The following MEF2C variants were observed in gnomAD, a reference collection of about 807,000 sequenced individuals.
The protein encoded by MEF2C is myocyte enhancer factor 2C.
MEF2C carries 6 observed loss-of-function variants against 50.5 expected under a neutral mutation model. That is an observed-to-expected ratio of 0.12 (90% CI 0.07 to 0.23). The LOEUF is 0.23. Ranked by LOEUF, MEF2C falls within the 10% of genes least tolerant of loss-of-function variation. The probability of loss-of-function intolerance (pLI) is 1.00; values close to 1 mark genes in which losing one functional copy is unlikely to be tolerated. For missense variants in MEF2C, 276 were observed against 605.0 expected, an observed-to-expected ratio of 0.46 and a Z score of 5.70; for synonymous variants, 183 against 228.0, an observed-to-expected ratio of 0.80 and a Z score of 1.78.
intron 6 of MEF2C, chr5:88,739,318 A>C: frequency 1.0e-6 from 1 of 984,800 alleles, no homozygotes; most frequent in Non-Finnish European, 1.2e-6. Flanking sequence ...CTTTTACTTC[A>C]ACAAAATGTT....
intron 4 of MEF2C, among the ~76,000 whole-genome samples, chr5:88,760,057 A>G (rs527318095): frequency 1.3e-5 from 2 of 152,370 alleles, no homozygotes; most frequent in African/African-American, 4.8e-5. Flanking sequence ...AACTTTTTTC[A>G]AAAGGAACTG....
intron 5 of MEF2C, among the ~76,000 whole-genome samples, chr5:88,749,846 C>T (rs975578024): frequency 7.2e-5 from 11 of 152,036 alleles, no homozygotes; most frequent in Non-Finnish European, 1.5e-4. Flanking sequence ...CTGGCTAACA[C>T]GGTGAAACCC....
At chr5:88,749,041 A>G (rs1457523333) in intron 6 of MEF2C, 29 bp downstream of exon 6, 1 of 1,560,110 alleles carries the variant, frequency 6.4e-7, no homozygotes, top group South Asian at 1.2e-5. Flanking sequence ...GAACAATGAT[A>G]CATACTGCAG....
intron 3 of MEF2C, among the ~76,000 whole-genome samples, chr5:88,765,976 G>A (rs562857405): frequency 2.6e-5 from 4 of 152,288 alleles, no homozygotes; most frequent in East Asian, 1.9e-4. Flanking sequence ...ACAAGACAGC[G>A]ATTGTCATAC....
rs184181115 is a variant in MEF2C at position 88,861,128 on chromosome 5, G to C, written c.-143+21827C>G. Among the ~76,000 whole-genome samples the C allele has an allele frequency of 9.2e-4, 140 of 152,314 alleles. 1 individual carries two copies. Among genetic ancestry groups the C allele is most frequent in the Non-Finnish European group, 1.5e-3 (105 of 68,022 alleles). ...TATTTTCTTCTCAATTCTACAGCTA[G>C]AATGGAAGTAACACCAATGTTCTGC... On this transcript the variant is annotated intron_variant, in intron 1 of 10. Transcript: ENST00000504921.
chr5:88,864,151 G>GC (rs1826464077), intron 1 of MEF2C, among the ~76,000 whole-genome samples: 3 of 95,886 alleles, frequency 3.1e-5, no homozygotes, highest in Non-Finnish European at 5.3e-5. Flanking sequence ...TTTTTTTTTT[G>GC]TTTTTTTTTT....
chr5:88,751,041 A>G, intron 5 of MEF2C: 1 of 955,612 alleles, frequency 1.0e-6, no homozygotes, highest in Non-Finnish European at 1.2e-6. Context: ...TAATTTTGTT[A>G]TATTCAATAC....
chr5:88,777,255 T>TA (rs1179575501), intron 3 of MEF2C, among the ~76,000 whole-genome samples: 1 of 150,002 alleles, frequency 6.7e-6, no homozygotes, highest in Non-Finnish European at 1.5e-5. Flanking sequence ...ATCAAAATAT[T>TA]AATTTTCTTA....
intron 1 of MEF2C, among the ~76,000 whole-genome samples, chr5:88,882,653 T>C (rs114260031): frequency 2.0e-5 from 3 of 152,122 alleles, no homozygotes; most frequent in African/African-American, 7.2e-5. Context: ...CTCCACCATA[T>C]CAAACATGCT....
At chr5:88,726,216 G>T (rs1347582166) in intron 10 of MEF2C, among the ~76,000 whole-genome samples, 1 of 152,090 alleles carries the variant, frequency 6.6e-6, no homozygotes, top group East Asian at 1.9e-4. Context: ...ATCTACTTTG[G>T]TGGAGCTGAA....
chr5:88,803,015 T>C (rs533102934), intron 3 of MEF2C, among the ~76,000 whole-genome samples: 1 of 152,336 alleles, frequency 6.6e-6, no homozygotes, highest in South Asian at 2.1e-4. Context: ...GAGTTTTTAG[T>C]AAATAGTTGT....
At position 88,733,023 on chromosome 5, in the gene MEF2C, C is replaced by T. The variant is rs111288262; in HGVS notation, c.638-1122G>A. Reference sequence around the variant, plus strand: ...CCAGGCTTGAAAAGCTCTGAAATCTCTTTGTGGTAATCCAATACATACTCA... The same window carrying T: ...CCAGGCTTGAAAAGCTCTGAAATCTTTTTGTGGTAATCCAATACATACTCA... On this transcript the variant is annotated intron_variant, in intron 6 of 10. Transcript: ENST00000504921. The T allele has an allele frequency of 6.3e-4, 602 of 961,704 alleles. 3 individuals carry two copies. The African/African-American group carries it at 0.01, about 16-fold the overall frequency. The allele number at this position is 961,704 out of a possible 1,614,324, so 59.6% of individuals were successfully genotyped here.
At chr5:88,787,905 C>T (rs1389288831) in intron 3 of MEF2C, among the ~76,000 whole-genome samples, 2 of 152,158 alleles carry the variant, frequency 1.3e-5, no homozygotes, top group Non-Finnish European at 2.9e-5. Flanking sequence ...AGGGCAATTC[C>T]AGCTTCAGTG....
chr5:88,772,827 A>G (rs1782991526), intron 3 of MEF2C: 2 of 985,318 alleles, frequency 2.0e-6, no homozygotes, highest in Admixed American at 1.2e-4. Context: ...GACAGCAATG[A>G]GCAGGGAGGG....
intron 1 of MEF2C, among the ~76,000 whole-genome samples, chr5:88,874,279 T>G (rs1830432330): frequency 6.6e-6 from 1 of 151,982 alleles, no homozygotes; most frequent in Non-Finnish European, 1.5e-5. Flanking sequence ...TAGTTGAAAC[T>G]TTACAATGTA....
intron 1 of MEF2C, chr5:88,888,870 C>T (rs1834244364): frequency 6.6e-6 from 1 of 152,008 alleles, no homozygotes; most frequent in Non-Finnish European, 1.5e-5. Flanking sequence ...AAATTTAATG[C>T]GACTTTACCT....
In MEF2C at chr5:88,823,857, C is replaced by G; in HGVS notation, c.-69G>C. On this transcript the variant is annotated 5_prime_UTR_variant, in exon 2 of 11. Transcript: ENST00000504921. Reference sequence around the variant, plus strand: ...TTTTTCCTTCCTTTTCTTTCTCTTTCCTGTTTCCTCCAAACAAATCTCCTT... The same window carrying G: ...TTTTTCCTTCCTTTTCTTTCTCTTTGCTGTTTCCTCCAAACAAATCTCCTT... The G allele has an allele frequency of 6.3e-7, 1 of 1,597,912 alleles. No homozygotes were observed. Among genetic ancestry groups the G allele is most frequent in the Non-Finnish European group, 8.5e-7 (1 of 1,172,074 alleles).
chr5:88,814,953 G>A (rs1032601860), intron 2 of MEF2C, among the ~76,000 whole-genome samples: 3 of 152,092 alleles, frequency 2.0e-5, no homozygotes, highest in Non-Finnish European at 4.4e-5. Flanking sequence ...CTTTTGAAAA[G>A]AGAAGACTAA....
At chr5:88,871,609 A>G (rs1176487875) in intron 1 of MEF2C, among the ~76,000 whole-genome samples, 5 of 152,088 alleles carry the variant, frequency 3.3e-5, no homozygotes, top group African/African-American at 1.2e-4. Context: ...GGCATGTCTC[A>G]TCAATATTAC....
Sources: allele counts gnomAD v4.1 joint callset (sites outside exome capture counted in the v4.1 genomes callset), GRCh38; gene constraint gnomAD v4.1.1; transcripts MANE v1.5; gene names NCBI Gene and HGNC (gene_info 2026-07-23, HGNC 2026-07-21).